UNC80: variants seen among roughly 807,000 people sequenced by gnomAD.
The protein encoded by UNC80 is protein unc-80 homolog.
Under a neutral mutation model 384.6 loss-of-function variants are expected in UNC80, and 164 were observed. The observed-to-expected ratio is 0.43, with a 90% CI of 0.38 to 0.49. UNC80 has a LOEUF of 0.49. Ranked by LOEUF, UNC80 falls within the 20% of genes least tolerant of loss-of-function variation. UNC80 has a pLI of 0.00. For missense variants in UNC80, 3,330 were observed against 4,143.0 expected, an observed-to-expected ratio of 0.80 and a Z score of 5.39; for synonymous variants, 1,486 against 1,527.8, an observed-to-expected ratio of 0.97 and a Z score of 0.64.
At chr2:209,980,052 C>T (rs550771970) in intron 59 of UNC80, among the ~76,000 whole-genome samples, 4 of 152,304 alleles carry the variant, frequency 2.6e-5, no homozygotes, top group African/African-American at 9.6e-5. Flanking sequence ...ATCATATTGT[C>T]CTGTGCCTGG....
chr2:209,892,074 A>C (rs1038401261), intron 26 of UNC80, among the ~76,000 whole-genome samples: 11 of 152,306 alleles, frequency 7.2e-5, no homozygotes, highest in Non-Finnish European at 8.8e-5. Context: ...TTTTAAGTGC[A>C]TTAGAGTTGT....
Position 209,994,106 on chromosome 2 carries a change from G to A in UNC80, c.9550G>A (p.Glu3184Lys). 6.4e-7 allele frequency: 1 copy of A among 1,551,668 alleles called. No homozygotes were observed. Among genetic ancestry groups the A allele is most frequent in the South Asian group, 1.2e-5 (1 of 84,058 alleles). The change falls in exon 64 of 65, where the codon GAG becomes AAG. Residue 3184 changes from glutamate (E) to lysine (K), a missense_variant. Physicochemically the swap from Glu to Lys is moderately conservative, Grantham distance 56. Coordinates refer to ENST00000673920, the MANE Select transcript of UNC80 (RefSeq NM_001371986.1). Reference sequence around the variant, plus strand: ...TGTGACCTTCATTGAGGCTCAGCCAGAGCCAGCAGCTGCCCCAACAGATGC... The same window carrying A: ...TGTGACCTTCATTGAGGCTCAGCCAAAGCCAGCAGCTGCCCCAACAGATGC... ...RSVTFIEAQP[E>K]PAAAPTDALP...
At chr2:209,907,752 T>C (rs1345575986) in intron 29 of UNC80, among the ~76,000 whole-genome samples, 1 of 152,202 alleles carries the variant, frequency 6.6e-6, no homozygotes, top group Non-Finnish European at 1.5e-5. Flanking sequence ...CTTTCACATT[T>C]TGTATCCTGC....
intron 4 of UNC80, among the ~76,000 whole-genome samples, chr2:209,781,987 C>T (rs1363959411): frequency 6.6e-6 from 1 of 152,174 alleles, no homozygotes; most frequent in East Asian, 1.9e-4. Flanking sequence ...GAGTCCCACT[C>T]ATTTTTTCTC....
chr2:209,972,893 A>G (rs1334219133), intron 55 of UNC80, among the ~76,000 whole-genome samples, 171 bp from the exon 56 acceptor site: 1 of 152,180 alleles, frequency 6.6e-6, no homozygotes, highest in Non-Finnish European at 1.5e-5. Flanking sequence ...CTCAGGTGCC[A>G]GGAACACTGT....
intron 22 of UNC80, among the ~76,000 whole-genome samples, chr2:209,866,533 C>CACACACATACACACAG (rs1307214321): frequency 9.6e-6 from 1 of 104,086 alleles, no homozygotes; most frequent in African/African-American, 4.0e-5. Flanking sequence ...CACACACACA[C>CACACACATACACACAG]AGAGAGAGAG....
At chr2:209,933,507 T>C (rs1435157985) in intron 38 of UNC80, among the ~76,000 whole-genome samples, 2 of 132,532 alleles carry the variant, frequency 1.5e-5, no homozygotes, top group Non-Finnish European at 3.0e-5. Context: ...AAACTTCTTA[T>C]ACAGATGAAT....
chr2:209,923,295 A>C (rs1265862532), intron 35 of UNC80, among the ~76,000 whole-genome samples: 1 of 152,098 alleles, frequency 6.6e-6, no homozygotes, highest in African/African-American at 2.4e-5. Context: ...GTCTAATCCA[A>C]GGTCACAATT....
chr2:209,810,002 C>T (rs1172938131), intron 7 of UNC80, among the ~76,000 whole-genome samples: 1 of 152,174 alleles, frequency 6.6e-6, no homozygotes, highest in Non-Finnish European at 1.5e-5. Flanking sequence ...CCGAAGGAGC[C>T]CTCAGGCCAC....
rs145629128 is a variant in UNC80 at position 209,974,885 on chromosome 2, C to T, written c.8588-1234C>T. On this transcript the variant is annotated intron_variant, in intron 56 of 64. Coordinates refer to ENST00000673920, the MANE Select transcript of UNC80 (RefSeq NM_001371986.1). ...CCAACAGGCCTAGTAACAGTGAAAA[C>T]GTCATCAGAATTATGGTAGAGAAAG... 9.2e-3 allele frequency among the ~76,000 whole-genome samples: 1,398 copies of T among 152,264 alleles called. 20 individuals carry two copies. Among genetic ancestry groups the T allele is most frequent in the African/African-American group, 0.022 (927 of 41,538 alleles).
Position 209,819,151 on chromosome 2 carries a change from C to T in UNC80, c.1852C>T (p.Leu618=). 6.4e-7 allele frequency: 1 copy of T among 1,552,242 alleles called. No individual in the cohort carries two copies. The highest frequency in any genetic ancestry group is 8.7e-7 in the Non-Finnish European group (1 of 1,147,112). ...ACATGAACCTCTGGCATGTGCTAAC[C>T]TACCTCGAAGCCTCACAGACTCCTG... ...MPHEPLACAN[L]PRSLTDSCIN... The change falls in exon 12 of 65, where the codon CTA becomes TTA. Residue 618 remains leucine, a synonymous_variant. Coordinates refer to ENST00000673920, the MANE Select transcript of UNC80 (RefSeq NM_001371986.1).
intron 7 of UNC80, among the ~76,000 whole-genome samples, chr2:209,810,736 G>C (rs2079283251): frequency 6.6e-6 from 1 of 152,162 alleles, no homozygotes; most frequent in African/African-American, 2.4e-5. Flanking sequence ...ACAACTACCA[G>C]CTATTCCAAT....
chr2:209,916,718 G>T (rs2089569499), intron 31 of UNC80, among the ~76,000 whole-genome samples: 1 of 152,088 alleles, frequency 6.6e-6, no homozygotes, highest in Non-Finnish European at 1.5e-5. Context: ...TAATTGAAAG[G>T]ACTTATCTAA....
At chr2:209,880,377 G>A (rs2085179000) in intron 24 of UNC80, among the ~76,000 whole-genome samples, 1 of 152,188 alleles carries the variant, frequency 6.6e-6, no homozygotes, top group Non-Finnish European at 1.5e-5. Flanking sequence ...TGCACAAACT[G>A]TATGATATAT....
At chr2:209,919,287 G>A (rs1312031875) in intron 33 of UNC80, among the ~76,000 whole-genome samples, 2 of 152,056 alleles carry the variant, frequency 1.3e-5, no homozygotes, top group African/African-American at 4.8e-5. Flanking sequence ...TAAATTACAA[G>A]AGTAATGTAG....
chr2:209,984,960 A>G (rs1287296103), intron 61 of UNC80, 48 bp downstream of exon 61: 2 of 1,476,592 alleles, frequency 1.4e-6, no homozygotes, highest in Non-Finnish European at 1.8e-6. Context: ...CTGGGAAACT[A>G]GCTGTTCCCT....
chr2:209,791,819 C>CAAAAAAA (rs71043949), intron 6 of UNC80, among the ~76,000 whole-genome samples: 3 of 52,142 alleles, frequency 5.8e-5, no homozygotes, highest in African/African-American at 1.5e-4. Flanking sequence ...GACTCCGTCT[C>CAAAAAAA]AAAAAAAAAA....
At chr2:209,926,706 G>T in intron 35 of UNC80, 137 bp from the exon 36 acceptor site, 1 of 1,059,456 alleles carries the variant, frequency 9.4e-7, no homozygotes, top group Admixed American at 2.5e-5. Flanking sequence ...AGCCCAAGAA[G>T]TCGAGGCTGC....
chr2:209,994,173 C>G lies in UNC80; in HGVS notation c.9617C>G (p.Pro3206Arg). Residue 3206 changes from proline (P) to arginine (R), a missense_variant, in exon 64 of 65, where the codon CCT becomes CGT. Around this residue, in one of 8 missense-constraint regions of UNC80, gnomAD observed 236 missense variants for 254.9 expected, o/e 0.93. Coordinates refer to ENST00000673920, the MANE Select transcript of UNC80 (RefSeq NM_001371986.1). ...CAACTACAGGGCTGTAGCCCAGCCC[C>G]TTCTAGGAAACCAGAAGCAATGGAC... ...TGQLQGCSPA[P>R]SRKPEAMDEP... 1 of 1,551,534 alleles carries G rather than the reference C, an allele frequency of 6.4e-7. No individual in the cohort carries two copies. The highest frequency in any genetic ancestry group is 8.7e-7 in the Non-Finnish European group (1 of 1,146,952).
Sources: allele counts gnomAD v4.1 joint callset (sites outside exome capture counted in the v4.1 genomes callset), GRCh38; gene constraint gnomAD v4.1.1; regional missense constraint gnomAD v4.1.1; transcripts MANE v1.5; gene names NCBI Gene and HGNC (gene_info 2026-07-23, HGNC 2026-07-21).